EPB41L2: variants seen among roughly 807,000 people sequenced by gnomAD.
The protein encoded by EPB41L2 is erythrocyte membrane protein band 4.1 like 2.
In EPB41L2, 43 loss-of-function variants were observed where a neutral mutation model predicts 113.0. The observed-to-expected ratio is 0.38, with a 90% CI of 0.30 to 0.49. The LOEUF (loss-of-function observed/expected upper bound fraction) is 0.49. EPB41L2 is among the 20% of genes least tolerant of loss of function. The pLI is 0.95. For synonymous variants in EPB41L2, 442 were observed against 436.7 expected, an observed-to-expected ratio of 1.01 and a Z score of -0.15; for missense variants, 1,147 against 1,223.4, an observed-to-expected ratio of 0.94 and a Z score of 0.93.
rs150527597 is a variant in EPB41L2 at position 130,853,113 on chromosome 6, C to T, written c.*5+5018G>A. Among the ~76,000 whole-genome samples, 6 of 152,284 alleles carry T rather than the reference C, an allele frequency of 3.9e-5. No homozygotes were observed. In the East Asian group the frequency reaches 9.6e-4, roughly 24 times the overall value. ...GATATTTCCATGGGAAAACAGCAGA[C>T]GATACCCAGTGGGCATTCCATACAT... On this transcript the variant is annotated intron_variant, in intron 19 of 19. Coordinates refer to ENST00000337057, the MANE Select transcript of EPB41L2 (RefSeq NM_001431.4).
intron 11 of EPB41L2, among the ~76,000 whole-genome samples, chr6:130,888,785 G>C (rs1242450035): frequency 1.3e-5 from 2 of 152,280 alleles, no homozygotes; most frequent in African/African-American, 4.8e-5. Context: ...AGCAGTGATA[G>C]TACATTAACA....
intron 18 of EPB41L2, 91 bp from the exon 19 acceptor site, chr6:130,858,334 C>A: frequency 2.0e-6 from 2 of 986,968 alleles, no homozygotes; most frequent in Non-Finnish European, 3.0e-6. Flanking sequence ...CACCTCGGAC[C>A]CAACCTCAAG....
At position 130,869,588 on chromosome 6, in the gene EPB41L2, A is replaced by G. The variant is rs770745872; in HGVS notation, c.2582T>C (p.Leu861Ser). ...CTCTGAACAACAAATAATTTGTGGC[A>G]AAACATCAATGTCAACATGGGACAC... is the stretch of plus-strand genomic sequence containing the variant. ...GEVSHVDIDV[L>S]PQIICCSEPP... The change falls in exon 15 of 20, where the codon TTG becomes TCG. Residue 861 changes from leucine to serine, a missense_variant. Physicochemically the swap from Leu to Ser is moderately radical, Grantham distance 145. Transcript: ENST00000337057. 1 of 1,614,154 alleles carries G rather than the reference A, an allele frequency of 6.2e-7. No individual in the cohort carries two copies. The highest frequency in any genetic ancestry group is 8.5e-7 in the Non-Finnish European group (1 of 1,180,008).
At chr6:130,990,035 G>T (rs1305510205) in intron 1 of EPB41L2, among the ~76,000 whole-genome samples, 1 of 152,086 alleles carries the variant, frequency 6.6e-6, no homozygotes, top group African/African-American at 2.4e-5. Flanking sequence ...CACAATAGTG[G>T]ATCAGCAGGG....
chr6:131,008,539 C>G (rs557235444), intron 1 of EPB41L2, among the ~76,000 whole-genome samples: 1 of 152,358 alleles, frequency 6.6e-6, no homozygotes, highest in East Asian at 1.9e-4. Context: ...TGTGAGAAGA[C>G]AGCCACTGTC....
intron 3 of EPB41L2, among the ~76,000 whole-genome samples, chr6:130,946,205 G>A (rs1307485696): frequency 1.3e-5 from 2 of 152,128 alleles, no homozygotes; most frequent in Non-Finnish European, 2.9e-5. Flanking sequence ...TGGAACAAAT[G>A]CACAAAGAGA....
intron 1 of EPB41L2, among the ~76,000 whole-genome samples, chr6:131,031,214 TA>T: frequency 1.3e-5 from 2 of 152,238 alleles, no homozygotes; most frequent in African/African-American, 4.8e-5. Context: ...GTATTCAACT[TA>T]AAAGCAAATT....
chr6:130,886,639 G>GTTGT (rs10648592), intron 11 of EPB41L2, among the ~76,000 whole-genome samples: 62,560 of 151,446 alleles, frequency 0.41, 15,249 homozygotes, highest in Non-Finnish European at 0.52. Context: ...TGTTGTTGTT[G>GTTGT]TTGTTTGTTT....
At chr6:130,851,640 G>C (rs577237702) in intron 19 of EPB41L2, among the ~76,000 whole-genome samples, 2 of 152,338 alleles carry the variant, frequency 1.3e-5, no homozygotes, top group South Asian at 4.1e-4. Flanking sequence ...ATGTTTTCAT[G>C]TGTTTTCAAC....
chr6:130,930,202 T>A (rs1806338614), intron 3 of EPB41L2, among the ~76,000 whole-genome samples: 1 of 152,050 alleles, frequency 6.6e-6, no homozygotes, highest in Non-Finnish European at 1.5e-5. Context: ...GGAAACCTGA[T>A]GTTTCCCAAA....
intron 1 of EPB41L2, among the ~76,000 whole-genome samples, chr6:130,979,754 G>A (rs1360608219): frequency 6.6e-6 from 1 of 152,156 alleles, no homozygotes; most frequent in Non-Finnish European, 1.5e-5. Flanking sequence ...AGAAAGGAAG[G>A]AAGGAAAAGC....
At chr6:130,939,126 C>T (rs1409972232) in intron 3 of EPB41L2, among the ~76,000 whole-genome samples, 3 of 152,122 alleles carry the variant, frequency 2.0e-5, no homozygotes, top group Admixed American at 6.5e-5. Flanking sequence ...ACTAAAAATC[C>T]CTCATGATAT....
chr6:130,943,076 T>C lies in EPB41L2; in HGVS notation c.705+12029A>G, dbSNP rs59036192. Among the ~76,000 whole-genome samples the C allele has an allele frequency of 0.011, 1,725 of 152,338 alleles. 183 individuals carry two copies. In the East Asian group the frequency reaches 0.26, roughly 23 times the overall value. On this transcript the variant is annotated intron_variant, in intron 3 of 19. Transcript: ENST00000337057. ...AAACATACATGTGCATGTGTCTTTTTGGTAGAATGATTGATAATCCTTTGG... is the reference window on the plus strand; with the variant it reads ...AAACATACATGTGCATGTGTCTTTTCGGTAGAATGATTGATAATCCTTTGG...
chr6:130,995,646 C>T (rs2128703384), intron 1 of EPB41L2, among the ~76,000 whole-genome samples: 1 of 152,356 alleles, frequency 6.6e-6, no homozygotes, highest in Non-Finnish European at 1.5e-5. Flanking sequence ...TGAGACCTGT[C>T]TCAGATATTC....
At position 130,857,282 on chromosome 6, in the gene EPB41L2, C is replaced by T. The variant is rs141196779; in HGVS notation, c.*5+849G>A. Among the ~76,000 whole-genome samples, 24 of 152,234 alleles carry T rather than the reference C, an allele frequency of 1.6e-4. No homozygotes were observed. In the East Asian group the frequency reaches 3.9e-3, roughly 24 times the overall value. ...TGATTTAAGTAATAGTGAGGCTGCACATTTTTTGTTTATTGATCTTTTAGT... is the reference window on the plus strand; with the variant it reads ...TGATTTAAGTAATAGTGAGGCTGCATATTTTTTGTTTATTGATCTTTTAGT... On this transcript the variant is annotated intron_variant, in intron 19 of 19. Transcript: ENST00000337057.
Position 130,880,143 on chromosome 6 carries a change from C to T in EPB41L2, c.1896+1G>A. Reference sequence around the variant, plus strand: ...GAGTTGTTTTCTTAGATTATACAAACCTCCAACATTAAATTGCTATGTCTG... The same window carrying T: ...GAGTTGTTTTCTTAGATTATACAAATCTCCAACATTAAATTGCTATGTCTG... On this transcript the variant is annotated splice_donor_variant, in intron 13 of 19. Transcript: ENST00000337057. LOFTEE classifies it high-confidence loss of function. 1 of 1,603,060 alleles carries T rather than the reference C, an allele frequency of 6.2e-7. No homozygotes were observed. The highest frequency in any genetic ancestry group is 1.3e-5 in the African/African-American group (1 of 74,816).
At chr6:130,990,791 C>A (rs1781651446) in intron 1 of EPB41L2, among the ~76,000 whole-genome samples, 1 of 150,970 alleles carries the variant, frequency 6.6e-6, no homozygotes, top group African/African-American at 2.4e-5. Flanking sequence ...ATTAAATGTT[C>A]TAAAGGTGCT....
At chr6:130,880,413 A>T (rs1191662752) in intron 12 of EPB41L2, 1 of 623,426 alleles carries the variant, frequency 1.6e-6, no homozygotes, top group Admixed American at 2.8e-5. Context: ...AATGGCAGGC[A>T]GCAGTCATGA....
intron 18 of EPB41L2, 165 bp from the exon 19 acceptor site, chr6:130,858,408 T>C: frequency 1.3e-5 from 7 of 530,628 alleles, no homozygotes; most frequent in Non-Finnish European, 6.7e-6. Context: ...CACTGTCATT[T>C]TACAGACTGC....
Sources: allele counts gnomAD v4.1 joint callset (sites outside exome capture counted in the v4.1 genomes callset), GRCh38; gene constraint gnomAD v4.1.1; transcripts MANE v1.5; gene names NCBI Gene and HGNC (gene_info 2026-07-23, HGNC 2026-07-21).